PIK3R3: variants seen among roughly 807,000 people sequenced by gnomAD.
PIK3R3 encodes phosphoinositide-3-kinase regulatory subunit 3, also known as phosphatidylinositol 3-kinase regulatory subunit gamma.
Under a neutral mutation model 62.9 loss-of-function variants are expected in PIK3R3, and 64 were observed. The ratio of observed to expected loss-of-function variants is 1.02; its 90% CI spans 0.83 to 1.25. The LOEUF (loss-of-function observed/expected upper bound fraction) is 1.25. PIK3R3 is among the 50% of genes most tolerant of loss of function. The probability of loss-of-function intolerance (pLI) is 0.00; values close to 1 mark genes in which losing one functional copy is unlikely to be tolerated. For missense variants in PIK3R3, 614 were observed against 561.6 expected (o/e 1.09, Z -0.94); for synonymous variants, 165 against 189.0 (o/e 0.87, Z 1.04).
At chr1:46,159,088 A>AAAATAAATAAATAAATAAAT in the PIK3R3 span, among the ~76,000 whole-genome samples, 43 of 148,492 alleles carry the variant, frequency 2.9e-4, no homozygotes, top group African/African-American at 7.2e-4. Flanking sequence ...CTCCATCTCA[A>AAAATAAATAAATAAATAAAT]AAATAAATAA....
At chr1:46,137,772 C>G (rs1464976035), upstream of PIK3R3, among the ~76,000 whole-genome samples, 1 of 152,218 alleles carries the variant, frequency 6.6e-6, no homozygotes, top group Non-Finnish European at 1.5e-5. Context: ...GCCTGGCACA[C>G]AGTGGGTAGC....
At chr1:46,162,091 C>CAAAAAA in the PIK3R3 span, among the ~76,000 whole-genome samples, 63 of 58,148 alleles carry the variant, frequency 1.1e-3, 1 homozygote, top group East Asian at 0.022. Flanking sequence ...GACTCCGTCT[C>CAAAAAA]AAAAAAAAAA....
intron 1 of PIK3R3, among the ~76,000 whole-genome samples, chr1:46,093,409 TTCTC>T (rs1651820378): frequency 6.6e-6 from 1 of 152,216 alleles, no homozygotes; most frequent in Non-Finnish European, 1.5e-5. Flanking sequence ...TAATTTCTCC[TTCTC>T]TGTCAACTTC....
intron 7 of PIK3R3, among the ~76,000 whole-genome samples, chr1:46,055,106 C>CTTT (rs754326024): frequency 8.0e-6 from 1 of 125,470 alleles, no homozygotes; most frequent in African/African-American, 3.0e-5. Flanking sequence ...GTTTCACCAT[C>CTTT]TTTTTTTTTT....
At chr1:46,108,370 A>G (rs1299696918) in intron 1 of PIK3R3, among the ~76,000 whole-genome samples, 3 of 152,206 alleles carry the variant, frequency 2.0e-5, no homozygotes, top group Non-Finnish European at 4.4e-5. Flanking sequence ...AGGAGGATCA[A>G]TCCAACTGCC....
At chr1:46,144,617 A>C in the PIK3R3 span, among the ~76,000 whole-genome samples, 13 of 152,148 alleles carry the variant, frequency 8.5e-5, no homozygotes, top group African/African-American at 3.1e-4. Flanking sequence ...AGAATACAAA[A>C]GTTAACTGGG....
At chr1:46,046,511 T>C in intron 8 of PIK3R3, 40 bp downstream of exon 8, 1 of 1,336,094 alleles carries the variant, frequency 7.5e-7, no homozygotes, top group Non-Finnish European at 1.1e-6. Flanking sequence ...CTTATATTGA[T>C]AACAAAGCCC....
intron 8 of PIK3R3, 21 bp from the exon 9 acceptor site, chr1:46,046,109 T>C: frequency 2.2e-6 from 3 of 1,389,592 alleles, no homozygotes; most frequent in Non-Finnish European, 3.0e-6. Context: ...AATATTAGTA[T>C]ATTATTCTAA....
the PIK3R3 span, among the ~76,000 whole-genome samples, chr1:46,170,487 C>G: frequency 6.6e-6 from 1 of 152,168 alleles, no homozygotes; most frequent in Non-Finnish European, 1.5e-5. Flanking sequence ...ATGGCATGAT[C>G]TCGGCTCACT....
intron 2 of PIK3R3, among the ~76,000 whole-genome samples, chr1:46,079,783 G>A (rs1160525022): frequency 2.0e-5 from 3 of 151,914 alleles, no homozygotes; most frequent in East Asian, 3.9e-4. Context: ...GTGAAACCCT[G>A]TCTCTACTAA....
Position 46,040,338 on chromosome 1 carries a change from G to C in PIK3R3, c.*3335C>G, listed in dbSNP as rs1646972546. On this transcript the variant is annotated 3_prime_UTR_variant, in exon 10 of 10. Coordinates refer to ENST00000262741, the MANE Select transcript of PIK3R3 (RefSeq NM_003629.4). ...TAAAGTGGTCTAGCAACTACATTAT[G>C]AACTGTCCCATCACAAGACATACAG... The C allele has an allele frequency of 4.3e-6, 1 of 231,488 alleles. No individual in the cohort carries two copies. Among genetic ancestry groups the C allele is most frequent in the Admixed American group, 5.6e-5 (1 of 17,708 alleles). The allele number at this position is 231,488 out of a possible 1,614,324, so 14.3% of individuals were successfully genotyped here.
intron 3 of PIK3R3, among the ~76,000 whole-genome samples, chr1:46,071,149 T>C (rs1287386657): frequency 2.0e-5 from 3 of 152,100 alleles, no homozygotes; most frequent in Non-Finnish European, 4.4e-5. Flanking sequence ...TTCCATAACT[T>C]TGATGAAATT....
At chr1:46,080,148 G>A (rs1412362971) in intron 2 of PIK3R3, among the ~76,000 whole-genome samples, 5 of 148,412 alleles carry the variant, frequency 3.4e-5, no homozygotes, top group South Asian at 2.2e-4. Flanking sequence ...TGCAACCTCC[G>A]CCTCCCAGGT....
chr1:46,147,782 G>A, the PIK3R3 span, among the ~76,000 whole-genome samples: 1 of 152,072 alleles, frequency 6.6e-6, no homozygotes, highest in Admixed American at 6.6e-5. Context: ...TTGTGCTAAT[G>A]AAAACAACAG....
chr1:46,125,112 A>AAAAATT (rs1202352326), intron 1 of PIK3R3, among the ~76,000 whole-genome samples: 1 of 152,150 alleles, frequency 6.6e-6, no homozygotes, highest in East Asian at 1.9e-4. Context: ...AAAAAATTTT[A>AAAAATT]AAAATTAAAA....
At chr1:46,160,133 A>T in the PIK3R3 span, among the ~76,000 whole-genome samples, 1 of 152,172 alleles carries the variant, frequency 6.6e-6, no homozygotes, top group Non-Finnish European at 1.5e-5. Flanking sequence ...ATTTTCAGGC[A>T]TGGGGATAAT....
intron 7 of PIK3R3, among the ~76,000 whole-genome samples, chr1:46,054,644 C>T (rs530429459): frequency 2.0e-5 from 3 of 152,184 alleles, no homozygotes; most frequent in East Asian, 1.9e-4. Context: ...TATTCGTTAC[C>T]CAGAACTAAG....
chr1:46,117,518 CA>C (rs1654291169), intron 1 of PIK3R3, among the ~76,000 whole-genome samples: 1 of 152,114 alleles, frequency 6.6e-6, no homozygotes, highest in Admixed American at 6.5e-5. Flanking sequence ...TTTCATCAAA[CA>C]ACTAAGGCCA....
In PIK3R3 at chr1:46,040,242, C is replaced by T. The variant is rs141978022; in HGVS notation, c.*3431G>A. 158 of 232,934 alleles carry T rather than the reference C, an allele frequency of 6.8e-4. No homozygotes were observed. Among genetic ancestry groups the T allele is most frequent in the African/African-American group, 1.9e-3 (88 of 45,410 alleles). The allele number at this position is 232,934 out of a possible 1,614,324, so 14.4% of individuals were successfully genotyped here. A position where few individuals can be genotyped will look rare whatever the true frequency, so the allele number is the denominator to read the frequency against. ...AAAAAGACCAATAAGTATCTCCTCT[C>T]GCCTTTCCCCCTACCCTCCCCAACA... On this transcript the variant is annotated 3_prime_UTR_variant, in exon 10 of 10. Transcript: ENST00000262741.
Sources: gnomAD v4.1 joint callset for allele counts (sites outside exome capture counted in the v4.1 genomes callset) on GRCh38, gnomAD v4.1.1 for gene constraint, MANE v1.5 for transcripts, NCBI Gene and HGNC (gene_info 2026-07-23, HGNC 2026-07-21) for gene names.